Variants in ROBO1 observed in about 807,000 individuals in gnomAD.
The protein encoded by ROBO1 is roundabout homolog 1.
ROBO1 carries 149 observed loss-of-function variants against 195.9 expected under a neutral mutation model. That is an observed-to-expected ratio of 0.76 (90% confidence interval 0.67 to 0.87). The LOEUF is 0.87. Among genes scored for constraint, ROBO1 ranks in the 40% least tolerant of loss-of-function variants. The pLI is 0.00. For synonymous variants in ROBO1, 816 were observed against 733.2 expected (o/e 1.11, Z -1.82); for missense variants, 1,933 against 2,068.3 (o/e 0.93, Z 1.27).
chr3:79,242,277 A>AC (rs2082533499), intron 2 of ROBO1, among the ~76,000 whole-genome samples: 1 of 152,128 alleles, frequency 6.6e-6, no homozygotes. Context: ...ATATGAAAAA[A>AC]AAAAAAATTC....
chr3:79,065,741 A>T (rs1357494300), intron 3 of ROBO1, among the ~76,000 whole-genome samples: 1 of 151,986 alleles, frequency 6.6e-6, no homozygotes, highest in Non-Finnish European at 1.5e-5. Context: ...TTCCCCTCTG[A>T]AGATGACTAG....
intron 2 of ROBO1, among the ~76,000 whole-genome samples, chr3:79,496,332 T>TA (rs368766438): frequency 0.01 from 1,491 of 145,782 alleles, 11 homozygotes; most frequent in Non-Finnish European, 0.014. Flanking sequence ...GATTTGACAA[T>TA]AAAAAAAAAC....
At chr3:78,781,401 G>A (rs1489748169) in intron 4 of ROBO1, among the ~76,000 whole-genome samples, 1 of 152,102 alleles carries the variant, frequency 6.6e-6, no homozygotes, top group Non-Finnish European at 1.5e-5. Flanking sequence ...CTAACCCCAA[G>A]TGGGTATATA....
At chr3:79,445,479 T>C (rs1046984748) in intron 2 of ROBO1, among the ~76,000 whole-genome samples, 3 of 121,216 alleles carry the variant, frequency 2.5e-5, no homozygotes, top group African/African-American at 6.2e-5. Context: ...AATACAGAAA[T>C]TGTTTTTTTT....
At chr3:79,344,865 T>C (rs1481643224) in intron 2 of ROBO1, among the ~76,000 whole-genome samples, 1 of 152,046 alleles carries the variant, frequency 6.6e-6, no homozygotes, top group Non-Finnish European at 1.5e-5. Context: ...TAATAGTGAG[T>C]GAGTTCTCAT....
At chr3:79,090,848 T>C (rs1480381211) in intron 3 of ROBO1, among the ~76,000 whole-genome samples, 1 of 152,190 alleles carries the variant, frequency 6.6e-6, no homozygotes, top group Non-Finnish European at 1.5e-5. Context: ...TTTTTCTCAT[T>C]GATTCATAAT....
At chr3:78,667,843 G>T in intron 14 of ROBO1, 40 bp downstream of exon 14, 2 of 1,577,190 alleles carry the variant, frequency 1.3e-6, no homozygotes, top group Middle Eastern at 1.7e-4. Flanking sequence ...AACATCTAAG[G>T]ATAAGTAGGT....
chr3:78,632,361 G>T (rs184018124), intron 24 of ROBO1, among the ~76,000 whole-genome samples: 1 of 152,178 alleles, frequency 6.6e-6, no homozygotes, highest in Non-Finnish European at 1.5e-5. Flanking sequence ...CACACTAAGC[G>T]TGGGCTAGGG....
chr3:79,076,709 T>C (rs189513313), intron 3 of ROBO1, among the ~76,000 whole-genome samples: 409 of 151,804 alleles, frequency 2.7e-3, no homozygotes, highest in African/African-American at 9.4e-3. Flanking sequence ...GAAGAATTTG[T>C]AAAATACATG....
In ROBO1 at chr3:78,882,346, T is replaced by C. The variant is rs987979461; in HGVS notation, c.499+56255A>G. On this transcript the variant is annotated intron_variant, in intron 4 of 30. Coordinates refer to ENST00000464233, the MANE Select transcript of ROBO1 (RefSeq NM_002941.4). ...AGTAAGTAATTTTTTTCTAAAACGA[T>C]AGAAGTTGGATTATGTATTCATCTG... Among the ~76,000 whole-genome samples, 4 of 152,174 alleles carry C rather than the reference T, an allele frequency of 2.6e-5. No individual in the cohort carries two copies. The East Asian group carries it at 7.7e-4, about 29-fold the overall frequency.
chr3:79,575,865 CAT>C (rs752420445), intron 2 of ROBO1, among the ~76,000 whole-genome samples: 2 of 151,796 alleles, frequency 1.3e-5, no homozygotes, highest in South Asian at 2.1e-4. Context: ...TCACAATTGT[CAT>C]ATGTTTCCCT....
At chr3:79,311,613 G>T (rs900007267) in intron 2 of ROBO1, among the ~76,000 whole-genome samples, 1 of 152,232 alleles carries the variant, frequency 6.6e-6, no homozygotes, top group Admixed American at 6.5e-5. Context: ...AGCTGGTTGA[G>T]GAAGACAACT....
chr3:79,368,835 G>T (rs2036073046), intron 2 of ROBO1, among the ~76,000 whole-genome samples: 1 of 152,030 alleles, frequency 6.6e-6, no homozygotes, highest in South Asian at 2.1e-4. Flanking sequence ...CCTGCTTTTA[G>T]GTACTTAGAT....
chr3:79,177,949 T>C (rs2081283861), intron 2 of ROBO1, among the ~76,000 whole-genome samples: 1 of 152,240 alleles, frequency 6.6e-6, no homozygotes, highest in South Asian at 2.1e-4. Context: ...GAAACATTTG[T>C]CTTACTGTGT....
At chr3:79,716,441 G>C (rs1023753297) in intron 1 of ROBO1, among the ~76,000 whole-genome samples, 4 of 151,864 alleles carry the variant, frequency 2.6e-5, no homozygotes, top group African/African-American at 9.7e-5. Flanking sequence ...TTTTAGTACA[G>C]TAAGGTACCT....
At chr3:78,912,690 T>G (rs572794602) in intron 4 of ROBO1, among the ~76,000 whole-genome samples, 1 of 152,128 alleles carries the variant, frequency 6.6e-6, no homozygotes, top group African/African-American at 2.4e-5. Flanking sequence ...CATGTGCAAA[T>G]AGAAAACTGT....
At chr3:79,050,454 C>T (rs2078675523) in intron 3 of ROBO1, among the ~76,000 whole-genome samples, 1 of 152,102 alleles carries the variant, frequency 6.6e-6, no homozygotes, top group African/African-American at 2.4e-5. Flanking sequence ...TAGTGGGAGA[C>T]TTTAACACCC....
intron 29 of ROBO1, among the ~76,000 whole-genome samples, chr3:78,603,388 C>T (rs1172448761): frequency 6.6e-6 from 1 of 152,090 alleles, no homozygotes. Context: ...CTTCTGGACT[C>T]TCAAGTATCA....
At chr3:78,945,525 C>A (rs577109373) in intron 3 of ROBO1, among the ~76,000 whole-genome samples, 15 of 152,104 alleles carry the variant, frequency 9.9e-5, no homozygotes, top group Non-Finnish European at 2.2e-4. Flanking sequence ...CTGTACCTCA[C>A]CATCATCAAA....
Sources: gnomAD v4.1 joint callset for allele counts (sites outside exome capture counted in the v4.1 genomes callset) on GRCh38, gnomAD v4.1.1 for gene constraint, MANE v1.5 for transcripts, NCBI Gene and HGNC (gene_info 2026-07-23, HGNC 2026-07-21) for gene names.